SNX7: variants seen among roughly 807,000 people sequenced by gnomAD.
SNX7 encodes sorting nexin 7.
Under a neutral mutation model 48.4 loss-of-function variants are expected in SNX7, and 35 were observed. The ratio of observed to expected loss-of-function variants is 0.72; its 90% CI spans 0.55 to 0.96. SNX7 has a LOEUF of 0.96. SNX7 is among the 40% of genes least tolerant of loss of function. The probability of loss-of-function intolerance (pLI) is 0.00; values close to 1 mark genes in which losing one functional copy is unlikely to be tolerated. For missense variants in SNX7, 553 were observed against 548.9 expected (o/e 1.01, Z -0.07); for synonymous variants, 190 against 190.2 (o/e 1.00, Z 0.01).
chr1:98,667,358 GTGGT>G (rs1247409893), intron 1 of SNX7, among the ~76,000 whole-genome samples: 2 of 152,060 alleles, frequency 1.3e-5, no homozygotes, highest in Admixed American at 6.6e-5. Context: ...TATAAGCTTA[GTGGT>G]TAGGAGTAGA....
At chr1:98,698,986 T>A in intron 6 of SNX7, 81 bp downstream of exon 6, 1 of 1,324,918 alleles carries the variant, frequency 7.5e-7, no homozygotes, top group Non-Finnish European at 1.1e-6. Context: ...TTCTTTTCTT[T>A]AAAACCACTA....
intron 7 of SNX7, among the ~76,000 whole-genome samples, chr1:98,711,200 A>G (rs1424911812): frequency 6.6e-6 from 1 of 152,076 alleles, no homozygotes; most frequent in Non-Finnish European, 1.5e-5. Flanking sequence ...TATTTTTAAT[A>G]GAGACAGGGT....
chr1:98,717,471 A>G (rs527376247), intron 7 of SNX7, among the ~76,000 whole-genome samples: 1 of 152,304 alleles, frequency 6.6e-6, no homozygotes. Context: ...TTCCAAGACG[A>G]TACTTGTACA....
chr1:98,718,607 A>G (rs1652709253), intron 7 of SNX7, among the ~76,000 whole-genome samples: 2 of 152,162 alleles, frequency 1.3e-5, no homozygotes, highest in East Asian at 3.8e-4. Context: ...ATATATTCAC[A>G]TGGCTCAAAA....
intron 7 of SNX7, among the ~76,000 whole-genome samples, chr1:98,732,858 G>A (rs1420996248): frequency 6.6e-6 from 1 of 152,094 alleles, no homozygotes; most frequent in African/African-American, 2.4e-5. Flanking sequence ...AAAAAACCTT[G>A]ATAATGGAGA....
intron 8 of SNX7, among the ~76,000 whole-genome samples, chr1:98,753,013 A>G (rs1234134269): frequency 6.6e-6 from 1 of 152,034 alleles, no homozygotes; most frequent in African/African-American, 2.4e-5. Context: ...TTGTTAATGG[A>G]TAAATACTGG....
chr1:98,676,766 T>C (rs920837456), intron 1 of SNX7, among the ~76,000 whole-genome samples: 5 of 152,244 alleles, frequency 3.3e-5, no homozygotes, highest in African/African-American at 1.2e-4. Flanking sequence ...ATTTATTACA[T>C]TGTACTATAT....
chr1:98,728,767 A>T (rs4298759), intron 7 of SNX7, among the ~76,000 whole-genome samples: 1 of 152,076 alleles, frequency 6.6e-6, no homozygotes, highest in South Asian at 2.1e-4. Flanking sequence ...CATATGCACC[A>T]AATACGGGAG....
intron 7 of SNX7, among the ~76,000 whole-genome samples, chr1:98,735,236 T>C (rs1257637699): frequency 6.6e-6 from 1 of 152,138 alleles, no homozygotes; most frequent in Non-Finnish European, 1.5e-5. Flanking sequence ...ATATTATGCT[T>C]TTGTAAGTTG....
At chr1:98,691,337 CA>C (rs986081263) in intron 3 of SNX7, 152 bp downstream of exon 3, 57 of 578,796 alleles carry the variant, frequency 9.8e-5, no homozygotes, top group Middle Eastern at 9.6e-4. Context: ...AATCAATGTA[CA>C]TTTTTTTTTT....
At chr1:98,673,841 T>C (rs1468586492) in intron 1 of SNX7, among the ~76,000 whole-genome samples, 1 of 152,224 alleles carries the variant, frequency 6.6e-6, no homozygotes, top group African/African-American at 2.4e-5. Context: ...AATGAAATAA[T>C]GCATGTATGT....
chr1:98,697,197 A>C (rs920802193), intron 5 of SNX7, among the ~76,000 whole-genome samples: 3 of 152,096 alleles, frequency 2.0e-5, no homozygotes, highest in African/African-American at 7.2e-5. Context: ...ATTTAACATA[A>C]AGACAGGCCT....
intron 8 of SNX7, among the ~76,000 whole-genome samples, chr1:98,758,932 TAC>T (rs3841351): frequency 0.27 from 40,451 of 150,826 alleles, 5,695 homozygotes; most frequent in Middle Eastern, 0.32. Flanking sequence ...TGTTTGTGCA[TAC>T]ACACACACAC....
At chr1:98,689,333 C>G (rs1015787028) in intron 2 of SNX7, among the ~76,000 whole-genome samples, 2 of 152,178 alleles carry the variant, frequency 1.3e-5, no homozygotes, top group Admixed American at 6.6e-5. Flanking sequence ...GTGTCTCTTA[C>G]AACCCTTCAA....
At chr1:98,711,532 AG>A (rs1307868240) in intron 7 of SNX7, among the ~76,000 whole-genome samples, 1 of 152,232 alleles carries the variant, frequency 6.6e-6, no homozygotes, top group Non-Finnish European at 1.5e-5. Flanking sequence ...ACTATACTGT[AG>A]TCTATTAAAT....
At chr1:98,664,554 A>C (rs1381946018) in intron 1 of SNX7, among the ~76,000 whole-genome samples, 8 of 152,234 alleles carry the variant, frequency 5.3e-5, no homozygotes, top group South Asian at 4.1e-4. Context: ...ACAACTTCTT[A>C]TTATTTTTTT....
upstream of SNX7, chr1:98,661,656 G>A (rs1159933637): frequency 1.7e-6 from 2 of 1,157,184 alleles, no homozygotes; most frequent in Non-Finnish European, 2.1e-6. Flanking sequence ...TGCAGGAGAC[G>A]TGGGAGCCAA....
intron 8 of SNX7, among the ~76,000 whole-genome samples, chr1:98,756,422 G>GTTTTTTTTTTT (rs35117249): frequency 1.8e-5 from 1 of 54,692 alleles, no homozygotes; most frequent in African/African-American, 6.8e-5. Context: ...TGCCAGATGA[G>GTTTTTTTTTTT]TTTTTTTTTT....
chr1:98,684,090 C>G (rs917165884), intron 1 of SNX7, among the ~76,000 whole-genome samples: 1 of 152,194 alleles, frequency 6.6e-6, no homozygotes, highest in African/African-American at 2.4e-5. Context: ...GCCTCCAATT[C>G]TTGAACCTTT....
Sources: allele counts gnomAD v4.1 joint callset (sites outside exome capture counted in the v4.1 genomes callset), GRCh38; gene constraint gnomAD v4.1.1; transcripts MANE v1.5; gene names NCBI Gene and HGNC (gene_info 2026-07-23, HGNC 2026-07-21).